Variants in RADIL observed in about 807,000 individuals in gnomAD.
The protein encoded by RADIL is Rap associating with DIL domain, also known as ras-associating and dilute domain-containing protein.
RADIL carries 99 observed loss-of-function variants against 97.6 expected under a neutral mutation model. That is an observed-to-expected ratio of 1.01 (90% CI 0.86 to 1.20). The LOEUF is 1.20. Among genes scored for constraint, RADIL ranks in the 50% most tolerant of loss-of-function variants. The pLI, the probability that RADIL is intolerant of heterozygous loss-of-function variation, is 0.00. For synonymous variants in RADIL, 803 were observed against 691.8 expected, an observed-to-expected ratio of 1.16 and a Z score of -2.52; for missense variants, 1,765 against 1,498.9, an observed-to-expected ratio of 1.18 and a Z score of -2.93.
intron 9 of RADIL, chr7:4,809,380 G>T (rs1362885615): frequency 1.0e-6 from 1 of 985,418 alleles, no homozygotes; most frequent in African/African-American, 1.7e-5. Context: ...GCTGAGCGGG[G>T]GGAGGCGGAG....
chr7:4,809,334 G>A (rs11970860), intron 9 of RADIL: 2 of 985,172 alleles, frequency 2.0e-6, no homozygotes, highest in Non-Finnish European at 2.4e-6. Flanking sequence ...GCCAGGAGAA[G>A]TCCTGTTTTC....
rs1784289811 is a variant in RADIL at position 4,872,984 on chromosome 7, CTGGAGTGCAG to C, written c.535+4611_535+4620del. On this transcript the variant is annotated intron_variant, in intron 2 of 14. Coordinates refer to ENST00000399583, the MANE Select transcript of RADIL (RefSeq NM_018059.5). This position sits in a 1 kb window ranked among gnomAD's most constrained non-coding sequence, Gnocchi z 5.8. ...TCAGAGTCTCGCTCTGTCACCCAGG[CTGGAGTGCAG>C]TGGTGCGATCTCAGCTCACTGCAAC... Among the ~76,000 whole-genome samples the C allele has an allele frequency of 6.6e-6, 1 of 152,230 alleles. No individual in the cohort carries two copies. The highest frequency in any genetic ancestry group is 1.5e-5 in the Non-Finnish European group (1 of 68,044).
In RADIL at chr7:4,865,812, G is replaced by A. The variant is rs992673317; in HGVS notation, c.535+11793C>T. On this transcript the variant is annotated intron_variant, in intron 2 of 14. Coordinates refer to ENST00000399583, the MANE Select transcript of RADIL (RefSeq NM_018059.5). ...TTTTCACAGGAGCCATGGCAGCAGC[G>A]GAGGCAGAAAGGGAGGTGAGTGAAC... 1.2e-4 allele frequency: 99 copies of A among 793,816 alleles called. 1 individual carries two copies. Among genetic ancestry groups the A allele is most frequent in the Middle Eastern group, 6.9e-4 (2 of 2,896 alleles). 49.2% of individuals were successfully genotyped at this position (793,816 alleles called of 1,614,324 possible).
chr7:4,877,497 C>A (rs954679967), intron 2 of RADIL, 108 bp downstream of exon 2: 5 of 1,259,958 alleles, frequency 4.0e-6, no homozygotes, highest in Non-Finnish European at 5.4e-6. Context: ...TCCTGCAGAG[C>A]GAGCCCGCCC....
At chr7:4,862,130 A>G (rs1398180332) in intron 2 of RADIL, 4 of 316,786 alleles carry the variant, frequency 1.3e-5, no homozygotes, top group Non-Finnish European at 1.1e-5. Context: ...GCGGGGGGCT[A>G]TACATGGGGG....
rs78479125 is a variant in RADIL, at chr7:4,798,716, G to T, written c.*662C>A. ...CGCTGGTGGCTTTAGTAGGGGAGAG[G>T]AACTCAGGAGGGAGCAGGAGTCCTG... On this transcript the variant is annotated 3_prime_UTR_variant, in exon 15 of 15. Coordinates refer to ENST00000399583, the MANE Select transcript of RADIL (RefSeq NM_018059.5). The T allele has an allele frequency of 0.047, 7,204 of 152,692 alleles. 263 individuals are homozygous for T. Among genetic ancestry groups the T allele is most frequent in the South Asian group, 0.19 (906 of 4,836 alleles). 9.5% of individuals were successfully genotyped at this position (152,692 alleles called of 1,614,324 possible).
chr7:4,861,002 A>T, intron 2 of RADIL: 1 of 1,614,232 alleles, frequency 6.2e-7, no homozygotes, highest in Non-Finnish European at 8.5e-7. Context: ...GAATTTCCGT[A>T]CAAGAGTTGA....
chr7:4,830,416 G>A (rs944338938), intron 5 of RADIL, among the ~76,000 whole-genome samples: 6 of 152,218 alleles, frequency 3.9e-5, no homozygotes, highest in Non-Finnish European at 8.8e-5. Flanking sequence ...AGCGTCTAGG[G>A]TAGAGATAGT....
chr7:4,809,121 C>T, intron 9 of RADIL: 1 of 985,072 alleles, frequency 1.0e-6, no homozygotes, highest in Non-Finnish European at 1.2e-6. Context: ...GCAGGACAGG[C>T]GCTTCCTGGC....
At position 4,842,761 on chromosome 7, in the gene RADIL, T is replaced by G. The variant is rs567329143; in HGVS notation, c.536-6156A>C. 6.6e-6 allele frequency among the ~76,000 whole-genome samples: 1 copy of G among 152,232 alleles called. No homozygotes were observed. The highest frequency in any genetic ancestry group is 1.9e-4 in the East Asian group (1 of 5,182). ...TGTCACCCATCCCCACTCGCAGGCC[T>G]CAGAGATGAAGTGACTAGGAGTGGA... is the stretch of plus-strand genomic sequence containing the variant. On this transcript the variant is annotated intron_variant, in intron 2 of 14. Coordinates refer to ENST00000399583, the MANE Select transcript of RADIL (RefSeq NM_018059.5). The surrounding 1 kb of genome is among the most constrained non-coding windows in gnomAD (Gnocchi z 4.5).
rs886794963 is a variant in RADIL, at chr7:4,822,369, G to T, written c.1615+25C>A. ...CCCCTGCCTGGGGTGCTGGCGGGGG[G>T]AATGGAGGGCAGCGCCAGCCGTACC... is the stretch of plus-strand genomic sequence containing the variant. On this transcript the variant is annotated intron_variant, in intron 6 of 14. Coordinates refer to ENST00000399583, the MANE Select transcript of RADIL (RefSeq NM_018059.5). The surrounding 1 kb of genome is among the most constrained non-coding windows in gnomAD (Gnocchi z 5.3). 1 of 1,596,098 alleles carries T rather than the reference G, an allele frequency of 6.3e-7. No homozygotes were observed. The highest frequency in any genetic ancestry group is 2.3e-5 in the East Asian group (1 of 44,434).
rs191845634 is a variant in RADIL at position 4,808,378 on chromosome 7, C to T, written c.2140-2662G>A. Reference sequence around the variant, plus strand: ...TATTATTATTTTATGGATACTATATCTTCTCTTATTTTTATGAAGCTATAA... The same window carrying T: ...TATTATTATTTTATGGATACTATATTTTCTCTTATTTTTATGAAGCTATAA... On this transcript the variant is annotated intron_variant, in intron 9 of 14. Coordinates refer to ENST00000399583, the MANE Select transcript of RADIL (RefSeq NM_018059.5). Among the ~76,000 whole-genome samples, 6 of 152,112 alleles carry T rather than the reference C, an allele frequency of 3.9e-5. 1 individual carries two copies. In the South Asian group the frequency reaches 1.0e-3, roughly 26 times the overall value.
At chr7:4,860,763 G>C (rs1195088652) in intron 2 of RADIL, 2 of 1,614,146 alleles carry the variant, frequency 1.2e-6, no homozygotes, top group South Asian at 2.2e-5. Flanking sequence ...AAAATCTCGT[G>C]TGTGATAGCA....
intron 2 of RADIL, chr7:4,860,800 G>A (rs1341093215): frequency 6.2e-7 from 1 of 1,614,142 alleles, no homozygotes; most frequent in Non-Finnish European, 8.5e-7. Flanking sequence ...CCTCAATCAT[G>A]ACCATCCTGG....
At position 4,880,375 on chromosome 7, in the gene RADIL, A is replaced by G. The variant is rs1347961528; in HGVS notation, c.-64-2172T>C. Among the ~76,000 whole-genome samples the G allele has an allele frequency of 6.6e-6, 1 of 152,136 alleles. No individual in the cohort carries two copies. On this transcript the variant is annotated intron_variant, in intron 1 of 14. Coordinates refer to ENST00000399583, the MANE Select transcript of RADIL (RefSeq NM_018059.5). The surrounding 1 kb of genome is among the most constrained non-coding windows in gnomAD (Gnocchi z 4.5). ...AGCATTTTCAGACAGTGCTCACATCACAAACGTGCGGCCTGGCCTGTGCAC... is the reference window on the plus strand; with the variant it reads ...AGCATTTTCAGACAGTGCTCACATCGCAAACGTGCGGCCTGGCCTGTGCAC...
In RADIL at chr7:4,834,423, C is replaced by CT. The variant is rs1348531908; in HGVS notation, c.1416+183dup. Reference sequence around the variant, plus strand: ...GCAGCTGACACCTTGGGTTCTGGGGCTGCTTCTGGTGGCCTGTGGGGCTGG... The same window carrying CT: ...GCAGCTGACACCTTGGGTTCTGGGGCTTGCTTCTGGTGGCCTGTGGGGCTGG... On this transcript the variant is annotated intron_variant, in intron 4 of 14. Transcript: ENST00000399583. The surrounding 1 kb of genome is among the most constrained non-coding windows in gnomAD (Gnocchi z 6.0). 1.3e-5 allele frequency among the ~76,000 whole-genome samples: 2 copies of CT among 152,156 alleles called. No individual in the cohort carries two copies. The highest frequency in any genetic ancestry group is 2.9e-5 in the Non-Finnish European group (2 of 68,016).
At chr7:4,875,990 A>G (rs538247418) in intron 2 of RADIL, among the ~76,000 whole-genome samples, 2 of 152,110 alleles carry the variant, frequency 1.3e-5, no homozygotes, top group African/African-American at 2.4e-5. Context: ...AGCAACCACA[A>G]GTTACTCTTT....
At position 4,842,935 on chromosome 7, in the gene RADIL, A is replaced by T. The variant is rs1692434803; in HGVS notation, c.536-6330T>A. 6.6e-6 allele frequency among the ~76,000 whole-genome samples: 1 copy of T among 151,794 alleles called. No individual in the cohort carries two copies. The stretch of plus-strand genomic sequence containing the variant: ...TCACCATAATACCCTGCAGCCTCGA[A>T]ATTCTGGCCTCAGGGCCTCAGAATA... On this transcript the variant is annotated intron_variant, in intron 2 of 14. Transcript: ENST00000399583. This position sits in a 1 kb window ranked among gnomAD's most constrained non-coding sequence, Gnocchi z 4.5.
intron 11 of RADIL, among the ~76,000 whole-genome samples, chr7:4,802,203 C>A (rs548006301): frequency 6.4e-4 from 97 of 152,338 alleles, no homozygotes; most frequent in Admixed American, 2.0e-3. Flanking sequence ...GCCAGGACTC[C>A]CGGGGTTCCC....
Sources: allele counts gnomAD v4.1 joint callset (sites outside exome capture counted in the v4.1 genomes callset), GRCh38; gene constraint gnomAD v4.1.1; non-coding constraint Gnocchi (gnomAD v3.1); transcripts MANE v1.5; gene names NCBI Gene and HGNC (gene_info 2026-07-23, HGNC 2026-07-21).